TANC2: variants seen among roughly 807,000 people sequenced by gnomAD.
TANC2 encodes the protein tetratricopeptide repeat, ankyrin repeat and coiled-coil containing 2.
A neutral mutation model predicts 210.5 loss-of-function variants in TANC2; 26 were observed. The ratio of observed to expected loss-of-function variants is 0.12; its 90% CI spans 0.09 to 0.17. The LOEUF is 0.17. Ranked by LOEUF, TANC2 falls within the 10% of genes least tolerant of loss-of-function variation. TANC2 has a pLI of 1.00. For missense variants in TANC2, 2,129 were observed against 2,608.9 expected (o/e 0.82, Z 4.01); for synonymous variants, 931 against 967.1 (o/e 0.96, Z 0.69).
intron 8 of TANC2, among the ~76,000 whole-genome samples, chr17:63,259,435 T>C (rs887708009): frequency 6.6e-5 from 10 of 152,190 alleles, no homozygotes; most frequent in African/African-American, 2.4e-4. Context: ...TGCTTTCTTA[T>C]GTGAATAGTT....
chr17:63,232,052 G>A (rs928008580), intron 7 of TANC2, among the ~76,000 whole-genome samples: 1 of 152,078 alleles, frequency 6.6e-6, no homozygotes, highest in African/African-American at 2.4e-5. Context: ...CTACTTGGTT[G>A]TTGATACTTG....
At chr17:63,268,937 C>G (rs2043612519) in intron 9 of TANC2, among the ~76,000 whole-genome samples, 2 of 152,126 alleles carry the variant, frequency 1.3e-5, no homozygotes, top group Non-Finnish European at 2.9e-5. Flanking sequence ...TGTTAGCAAT[C>G]TCTATCTCTA....
In TANC2 at chr17:63,237,810, TCAGCTAC is replaced by T; in HGVS notation, c.770-3_773del. The T allele has an allele frequency of 6.5e-7, 1 of 1,534,418 alleles. No individual in the cohort carries two copies. The highest frequency in any genetic ancestry group is 1.4e-5 in the African/African-American group (1 of 71,570). ...TTAAATTCATTTTACTCTTTTTTTT[TCAGCTAC>T]ATTAACAAGCTATTCTGAAAATGTG... is the stretch of plus-strand genomic sequence containing the variant. On this transcript the variant is annotated splice_acceptor_variant and splice_polypyrimidine_tract_variant and coding_sequence_variant and intron_variant, in exon 8 of 28. Transcript: ENST00000689528. LOFTEE classifies it high-confidence loss of function.
At chr17:63,397,989 T>C (rs942823340) in intron 18 of TANC2, among the ~76,000 whole-genome samples, 8 of 152,308 alleles carry the variant, frequency 5.3e-5, no homozygotes, top group East Asian at 1.9e-4. Flanking sequence ...TTAAGTAATA[T>C]TAAATTTTAT....
intron 9 of TANC2, among the ~76,000 whole-genome samples, chr17:63,310,728 A>G (rs2045095411): frequency 6.6e-6 from 1 of 152,228 alleles, no homozygotes; most frequent in Non-Finnish European, 1.5e-5. Context: ...CTCAAAATAT[A>G]CATTAAACAC....
At chr17:63,055,983 AAAAAAAAATATATATATATAT>A (rs1178877177) in intron 2 of TANC2, among the ~76,000 whole-genome samples, 9 of 22,222 alleles carry the variant, frequency 4.1e-4, no homozygotes, top group African/African-American at 8.4e-4. Flanking sequence ...AAAAAAAAAA[AAAAAAAAATATATATATATAT>A]ATATATATAT....
rs183673097 is a variant in TANC2 at position 63,367,910 on chromosome 17, A to T, written c.2583-11808A>T. Among the ~76,000 whole-genome samples, 178 of 152,326 alleles carry T rather than the reference A, an allele frequency of 1.2e-3. 1 individual carries two copies. Among genetic ancestry groups the T allele is most frequent in the African/African-American group, 4.1e-3 (171 of 41,564 alleles). On this transcript the variant is annotated intron_variant, in intron 14 of 27. Transcript: ENST00000689528. Reference sequence around the variant, plus strand: ...GCCTTTTGAGAAGGAAGAAACAAAGATCTGATAACTCTGGTGATGTGAAAG... The same window carrying T: ...GCCTTTTGAGAAGGAAGAAACAAAGTTCTGATAACTCTGGTGATGTGAAAG...
intron 14 of TANC2, among the ~76,000 whole-genome samples, chr17:63,374,163 A>G (rs954960211): frequency 1.3e-5 from 2 of 150,334 alleles, no homozygotes; most frequent in African/African-American, 4.9e-5. Context: ...CAGCCTCCCA[A>G]GTAACTGGAA....
intron 2 of TANC2, among the ~76,000 whole-genome samples, chr17:63,066,074 T>TA (rs1223251234): frequency 6.6e-6 from 1 of 152,072 alleles, no homozygotes; most frequent in Non-Finnish European, 1.5e-5. Context: ...GCCTGCAAGG[T>TA]ACGTCCTGTT....
chr17:63,251,787 T>C (rs1398292141), intron 8 of TANC2, among the ~76,000 whole-genome samples: 1 of 152,196 alleles, frequency 6.6e-6, no homozygotes, highest in Admixed American at 6.5e-5. Context: ...AGGAATGAAC[T>C]ATTCACTCAG....
intron 2 of TANC2, among the ~76,000 whole-genome samples, chr17:63,049,897 T>C (rs1159571182): frequency 6.6e-6 from 1 of 151,946 alleles, no homozygotes; most frequent in African/African-American, 2.4e-5. Context: ...GTATGTGCAG[T>C]GGGAGAGAAA....
intron 9 of TANC2, among the ~76,000 whole-genome samples, chr17:63,303,824 C>T (rs1028627522): frequency 6.6e-5 from 10 of 151,522 alleles, no homozygotes; most frequent in African/African-American, 1.2e-4. Context: ...ATCTTGTCTG[C>T]GTGCCTTATT....
chr17:63,062,498 A>T (rs1227706068), intron 2 of TANC2, among the ~76,000 whole-genome samples: 1 of 152,132 alleles, frequency 6.6e-6, no homozygotes, highest in African/African-American at 2.4e-5. Flanking sequence ...TGAACTTTCT[A>T]CTGCAGGCCC....
chr17:63,222,720 AACACAC>A (rs58881477), intron 7 of TANC2, among the ~76,000 whole-genome samples: 288 of 148,954 alleles, frequency 1.9e-3, no homozygotes, highest in Middle Eastern at 3.4e-3. Context: ...AAACTGATTA[AACACAC>A]ACACACACAC....
intron 4 of TANC2, among the ~76,000 whole-genome samples, chr17:63,119,058 A>G (rs956272286): frequency 2.6e-5 from 4 of 152,126 alleles, no homozygotes; most frequent in Admixed American, 6.5e-5. Flanking sequence ...CTGGGATTAC[A>G]GGAGTGAGCC....
chr17:63,278,566 T>C (rs940695530), intron 9 of TANC2, among the ~76,000 whole-genome samples: 1 of 152,128 alleles, frequency 6.6e-6, no homozygotes, highest in Admixed American at 6.5e-5. Flanking sequence ...GAAAACAGTA[T>C]GGAGGTTCAT....
At chr17:63,344,253 T>C (rs1247252498) in intron 12 of TANC2, among the ~76,000 whole-genome samples, 3 of 152,062 alleles carry the variant, frequency 2.0e-5, no homozygotes, top group Non-Finnish European at 4.4e-5. Flanking sequence ...TAAACCATCC[T>C]CTCCACCCTC....
At position 63,351,240 on chromosome 17, in the gene TANC2, T is replaced by G. The variant is rs1443652744; in HGVS notation, c.1808-10T>G. The stretch of plus-strand genomic sequence containing the variant: ...GTAATTATTAAGTAATGTGTTTCTT[T>G]CTATCTCAGAGAGAAAAATCCCAGA... On this transcript the variant is annotated splice_polypyrimidine_tract_variant and intron_variant, in intron 12 of 27. Transcript: ENST00000689528. The G allele has an allele frequency of 1.9e-5, 31 of 1,595,324 alleles. No homozygotes were observed. The highest frequency in any genetic ancestry group is 2.6e-5 in the Non-Finnish European group (31 of 1,172,732).
chr17:63,292,998 A>G (rs1348992686), intron 9 of TANC2, among the ~76,000 whole-genome samples: 1 of 152,158 alleles, frequency 6.6e-6, no homozygotes, highest in Non-Finnish European at 1.5e-5. Context: ...ATTCTGCTTT[A>G]TTTATTCTAA....
Sources: gnomAD v4.1 joint callset for allele counts (sites outside exome capture counted in the v4.1 genomes callset) on GRCh38, gnomAD v4.1.1 for gene constraint, MANE v1.5 for transcripts, NCBI Gene and HGNC (gene_info 2026-07-23, HGNC 2026-07-21) for gene names.